The following SLCO1B1 variants were observed in gnomAD, a reference collection of about 807,000 sequenced individuals.
SLCO1B1 encodes solute carrier organic anion transporter family member 1B1, also known as OATP-2.
SLCO1B1 carries 81 observed loss-of-function variants against 70.1 expected under a neutral mutation model. That is an observed-to-expected ratio of 1.16 (90% CI 0.97 to 1.39). The LOEUF (loss-of-function observed/expected upper bound fraction) is 1.39. Ranked by LOEUF, SLCO1B1 falls within the 40% of genes most tolerant of loss-of-function variation. SLCO1B1 has a pLI of 0.00. For missense variants in SLCO1B1, 895 were observed against 799.6 expected (o/e 1.12, Z -1.44); for synonymous variants, 283 against 271.5 (o/e 1.04, Z -0.42).
chr12:21,162,391 A>T (rs1281159739), intron 2 of SLCO1B1, among the ~76,000 whole-genome samples: 1 of 152,156 alleles, frequency 6.6e-6, no homozygotes, highest in Non-Finnish European at 1.5e-5. Flanking sequence ...CACTTCAAAA[A>T]ATTTTTCAAC....
intron 4 of SLCO1B1, 25 bp from the exon 5 acceptor site, chr12:21,176,751 G>C: frequency 1.3e-6 from 2 of 1,494,590 alleles, no homozygotes; most frequent in Non-Finnish European, 1.9e-6. Context: ...TAAGCAAAAT[G>C]TTTAATTCAG....
chr12:21,235,892 T>G (rs1475881443), intron 14 of SLCO1B1, among the ~76,000 whole-genome samples: 1 of 152,170 alleles, frequency 6.6e-6, no homozygotes, highest in African/African-American at 2.4e-5. Context: ...TTCTAGCTTG[T>G]AATGTATCTG....
chr12:21,191,189 T>A (rs1941025349), intron 7 of SLCO1B1, among the ~76,000 whole-genome samples: 1 of 152,102 alleles, frequency 6.6e-6, no homozygotes, highest in Non-Finnish European at 1.5e-5. Context: ...ATTGGGCTTT[T>A]GATAGGTATT....
In SLCO1B1 at chr12:21,205,975, C is replaced by T; in HGVS notation, c.1439C>T (p.Thr480Ile). ...CCAGTCTGTGGAAACAATGGAATAA[C>T]TTACATCTCACCCTGTCTAGCAGGT... The part of the protein sequence containing the change: ...WEPVCGNNGI[T>I]YISPCLAGCK... Residue 480 changes from threonine to isoleucine, a missense_variant, in exon 11 of 15, where the codon ACT becomes ATT. By Grantham distance (89) the Thr-to-Ile change is moderately conservative. Coordinates refer to ENST00000256958, the MANE Select transcript of SLCO1B1 (RefSeq NM_006446.5). 6 of 1,612,278 alleles carry T rather than the reference C, an allele frequency of 3.7e-6. No homozygotes were observed. Among genetic ancestry groups the T allele is most frequent in the African/African-American group, 1.3e-5 (1 of 74,938 alleles).
chr12:21,226,856 G>A (rs1056570770), intron 14 of SLCO1B1, among the ~76,000 whole-genome samples: 1 of 152,030 alleles, frequency 6.6e-6, no homozygotes, highest in Non-Finnish European at 1.5e-5. Flanking sequence ...CAGTTTTTCT[G>A]TAAATCTAAA....
At chr12:21,166,042 C>T (rs568089665) in intron 2 of SLCO1B1, among the ~76,000 whole-genome samples, 16 of 151,022 alleles carry the variant, frequency 1.1e-4, no homozygotes, top group Non-Finnish European at 1.8e-4. Flanking sequence ...ACAAAACATA[C>T]GGAACTGTGG....
chr12:21,205,024 A>G (rs1359161530), intron 10 of SLCO1B1, among the ~76,000 whole-genome samples: 1 of 151,902 alleles, frequency 6.6e-6, no homozygotes, highest in Admixed American at 6.6e-5. Flanking sequence ...TATTTCCTCA[A>G]GCAGAATATG....
At position 21,197,017 on chromosome 12, in the gene SLCO1B1, C is replaced by T. The variant is rs768271178; in HGVS notation, c.799C>T (p.Leu267=). The T allele has an allele frequency of 6.2e-7, 1 of 1,613,480 alleles. No homozygotes were observed. The highest frequency in any genetic ancestry group is 1.7e-5 in the Admixed American group (1 of 59,974). The change falls in exon 8 of 15, where the codon CTA becomes TTA. Residue 267 remains leucine, a synonymous_variant. Coordinates refer to ENST00000256958, the MANE Select transcript of SLCO1B1 (RefSeq NM_006446.5). The part of the protein sequence containing the change: ...AWWLNFLVSG[L]FSIISSIPFF... Reference sequence around the variant, plus strand: ...GTGGCTTAATTTCCTTGTGTCTGGACTATTCTCCATTATTTCTTCCATACC... The same window carrying T: ...GTGGCTTAATTTCCTTGTGTCTGGATTATTCTCCATTATTTCTTCCATACC...
intron 14 of SLCO1B1, among the ~76,000 whole-genome samples, chr12:21,226,570 T>C (rs942612257): frequency 1.6e-4 from 25 of 152,132 alleles, no homozygotes; most frequent in Non-Finnish European, 7.4e-5. Flanking sequence ...GATGAGTAGG[T>C]GGAGCACAGG....
chr12:21,205,824 T>G (rs2121155615), intron 10 of SLCO1B1, 44 bp from the exon 11 acceptor site: 1 of 1,420,840 alleles, frequency 7.0e-7, no homozygotes, highest in South Asian at 1.2e-5. Flanking sequence ...TGTCTTTTTC[T>G]TCTCTCTCTC....
At chr12:21,197,275 C>T in intron 8 of SLCO1B1, 87 bp downstream of exon 8, 1 of 1,454,922 alleles carries the variant, frequency 6.9e-7, no homozygotes, top group South Asian at 1.2e-5. Flanking sequence ...AAAGCATACC[C>T]AACTCATCTG....
In SLCO1B1 at chr12:21,239,253, T is replaced by C; in HGVS notation, c.*64T>C. On this transcript the variant is annotated 3_prime_UTR_variant, in exon 15 of 15. Coordinates refer to ENST00000256958, the MANE Select transcript of SLCO1B1 (RefSeq NM_006446.5). ...ACAGCATTGCATTGATTCAGTAAGA[T>C]GTTATTTTTGAGGAGTTCCTGGTCC... is the stretch of plus-strand genomic sequence containing the variant. 3 of 1,175,862 alleles carry C rather than the reference T, an allele frequency of 2.6e-6. No homozygotes were observed. Among genetic ancestry groups the C allele is most frequent in the Non-Finnish European group, 3.8e-6 (3 of 782,482 alleles). The allele number at this position is 1,175,862 out of a possible 1,614,324, so 72.8% of individuals were successfully genotyped here. A position where few individuals can be genotyped will look rare whatever the true frequency, so the allele number is the denominator to read the frequency against.
chr12:21,210,375 T>A (rs372013121), intron 11 of SLCO1B1, among the ~76,000 whole-genome samples: 13 of 123,394 alleles, frequency 1.1e-4, no homozygotes, highest in African/African-American at 3.2e-4. Context: ...GTTGTAGATA[T>A]GCGGCATTAT....
At chr12:21,151,346 T>C (rs893055702) in intron 2 of SLCO1B1, among the ~76,000 whole-genome samples, 1 of 152,182 alleles carries the variant, frequency 6.6e-6, no homozygotes, top group African/African-American at 2.4e-5. Flanking sequence ...GTTTGCAAGA[T>C]AAATTTACAA....
intron 14 of SLCO1B1, among the ~76,000 whole-genome samples, chr12:21,236,327 C>G (rs935657876): frequency 6.6e-6 from 1 of 152,166 alleles, no homozygotes; most frequent in Admixed American, 6.5e-5. Flanking sequence ...CCTGTGCCTA[C>G]CAAAGTCAGA....
At chr12:21,203,551 G>A (rs1941181456) in intron 10 of SLCO1B1, among the ~76,000 whole-genome samples, 1 of 151,974 alleles carries the variant, frequency 6.6e-6, no homozygotes, top group African/African-American at 2.4e-5. Flanking sequence ...ATCCCATGAG[G>A]TGTTGGTTTT....
chr12:21,164,857 C>T (rs4149032), intron 2 of SLCO1B1: 189,281 of 485,758 alleles, frequency 0.39, 40,437 homozygotes, highest in African/African-American at 0.68. Context: ...CATAACATTA[C>T]AAACTTATGG....
chr12:21,173,771 C>CTTTT (rs55687335), intron 3 of SLCO1B1, among the ~76,000 whole-genome samples: 18 of 115,044 alleles, frequency 1.6e-4, no homozygotes, highest in African/African-American at 4.9e-4. Flanking sequence ...GTGGTCATGA[C>CTTTT]TTTTTTTTTT....
intron 1 of SLCO1B1, among the ~76,000 whole-genome samples, chr12:21,132,152 C>G (rs549722194): frequency 7.2e-4 from 109 of 152,274 alleles, no homozygotes; most frequent in African/African-American, 2.6e-3. Context: ...CATGTCCCTA[C>G]AAAGGACATA....
Sources: allele counts gnomAD v4.1 joint callset (sites outside exome capture counted in the v4.1 genomes callset), GRCh38; gene constraint gnomAD v4.1.1; transcripts MANE v1.5; gene names NCBI Gene and HGNC (gene_info 2026-07-23, HGNC 2026-07-21).